TGM2: variants seen among roughly 807,000 people sequenced by gnomAD.
TGM2 encodes transglutaminase 2.
A neutral mutation model predicts 75.6 loss-of-function variants in TGM2; 53 were observed. That is an observed-to-expected ratio of 0.70 (90% CI 0.56 to 0.88). The LOEUF is 0.88. Ranked by LOEUF, TGM2 falls within the 40% of genes least tolerant of loss-of-function variation. The pLI is 0.00. For synonymous variants in TGM2, 374 were observed against 381.1 expected (o/e 0.98, Z 0.22); for missense variants, 842 against 928.5 (o/e 0.91, Z 1.21).
chr20:38,153,528 A>AAAAAAAAAAAAAAAATAAAAG (rs56670550), intron 3 of TGM2, among the ~76,000 whole-genome samples: 1 of 125,252 alleles, frequency 8.0e-6, no homozygotes. Flanking sequence ...TGGTCTCAAA[A>AAAAAAAAAAAAAAAATAAAAG]AAAAGAAAAA....
At chr20:38,148,155 T>C in intron 4 of TGM2, 66 bp from the exon 5 acceptor site, 1 of 1,606,220 alleles carries the variant, frequency 6.2e-7, no homozygotes, top group Non-Finnish European at 8.5e-7. Context: ...GAAGCCTGCG[T>C]TGAAGCCTCC....
intron 3 of TGM2, among the ~76,000 whole-genome samples, chr20:38,151,740 T>C (rs977010103): frequency 3.9e-5 from 6 of 152,148 alleles, no homozygotes; most frequent in African/African-American, 1.4e-4. Context: ...CATCTGAATG[T>C]TGTCTTAAAA....
chr20:38,165,516 C>G, upstream of TGM2: 2 of 505,962 alleles, frequency 4.0e-6, no homozygotes, highest in African/African-American at 4.1e-5. Context: ...GACCCACAGA[C>G]TCAGACCTTG....
rs373136739 is a variant in TGM2 at position 38,156,070 on chromosome 20, C to T, written c.210G>A (p.Glu70=). The T allele has an allele frequency of 6.2e-7, 1 of 1,613,480 alleles. No homozygotes were observed. Among genetic ancestry groups the T allele is most frequent in the Non-Finnish European group, 8.5e-7 (1 of 1,179,944 alleles). The change falls in exon 3 of 13, where the codon GAG becomes GAA. Residue 70 remains glutamate (E), a synonymous_variant. Coordinates refer to ENST00000361475, the MANE Select transcript of TGM2 (RefSeq NM_004613.4). The part of the protein sequence containing the change: ...SVVTGPAPSQ[E]AGTKARFPLR... ...GTGGAAAACGGGCCTTGGTCCCGGC[C>T]TCCTGGCTAGGGGCTGGGCCTGTGG... is the stretch of plus-strand genomic sequence containing the variant.
At chr20:38,162,912 G>A (rs7270605) in intron 1 of TGM2, among the ~76,000 whole-genome samples, 70,736 of 151,706 alleles carry the variant, frequency 0.47, 18,950 homozygotes, top group Non-Finnish European at 0.62. Flanking sequence ...TTTTTAACAT[G>A]ATAGGTGCTT....
In TGM2 at chr20:38,132,426, G is replaced by T; in HGVS notation, c.1690C>A (p.Arg564=). ...ATAACTGGCTCCACGAGGAGGGCCCGCACCTTGATGAGGTTGGACTCCGTA... is the reference window on the plus strand; with the variant it reads ...ATAACTGGCTCCACGAGGAGGGCCCTCACCTTGATGAGGTTGGACTCCGTA... ...CLTESNLIKV[R]ALLVEPVINS... Residue 564 remains arginine, a synonymous_variant, in exon 11 of 13, where the codon CGG becomes AGG. Coordinates refer to ENST00000361475, the MANE Select transcript of TGM2 (RefSeq NM_004613.4). 1 of 1,614,130 alleles carries T rather than the reference G, an allele frequency of 6.2e-7. No homozygotes were observed. Among genetic ancestry groups the T allele is most frequent in the Non-Finnish European group, 8.5e-7 (1 of 1,180,018 alleles).
At position 38,139,586 on chromosome 20, in the gene TGM2, C is replaced by T. The variant is rs1439395863; in HGVS notation, c.1168G>A (p.Ala390Thr). The change falls in exon 9 of 13, where the codon GCG (alanine) becomes ACG (threonine). Residue 390 changes from alanine to threonine, a missense_variant. Physicochemically the swap from Ala to Thr is moderately conservative, Grantham distance 58 (BLOSUM62 0). Coordinates refer to ENST00000361475, the MANE Select transcript of TGM2 (RefSeq NM_004613.4). The part of the protein sequence containing the change: ...KEGDLSTKYD[A>T]PFVFAEVNAD... ...TTGACCTCCGCAAAGACAAAGGGCG[C>T]ATCGTACTTGGTGCTCAGGTCGCCC... The T allele has an allele frequency of 2.0e-5, 33 of 1,614,210 alleles. No homozygotes were observed. The highest frequency in any genetic ancestry group is 2.8e-5 in the Non-Finnish European group (33 of 1,180,042).
intron 1 of TGM2, among the ~76,000 whole-genome samples, chr20:38,164,542 C>T (rs144756223): frequency 4.6e-5 from 7 of 152,144 alleles, no homozygotes; most frequent in Admixed American, 3.9e-4. Flanking sequence ...AGGGCACGGT[C>T]AGGGTGACAG....
rs773940541 is a variant in TGM2, at chr20:38,155,905, G to A, written c.375C>T (p.Tyr125=). ...YRLSLEASTG[Y]QGSSFVLGHF... ...GGCCCAGCACAAAGCTGGATCCCTG[G>A]TAGCCAGTGGAGGCCTCCAGGCTGA... The change falls in exon 3 of 13, where the codon TAC becomes TAT. Residue 125 remains tyrosine (Y), a synonymous_variant. Coordinates refer to ENST00000361475, the MANE Select transcript of TGM2 (RefSeq NM_004613.4). 6.2e-6 allele frequency: 10 copies of A among 1,607,330 alleles called. No homozygotes were observed. In the African/African-American group the frequency reaches 1.3e-4, roughly 21 times the overall value.
intron 8 of TGM2, among the ~76,000 whole-genome samples, chr20:38,141,031 G>C (rs2074965713): frequency 6.6e-6 from 1 of 152,002 alleles, no homozygotes; most frequent in African/African-American, 2.4e-5. Context: ...AGAGGGAGGA[G>C]ACAAAGATGC....
In TGM2 at chr20:38,138,383, A is replaced by T; in HGVS notation, c.1345T>A (p.Ser449Thr). The T allele has an allele frequency of 6.2e-7, 1 of 1,613,822 alleles. No homozygotes were observed. Among genetic ancestry groups the T allele is most frequent in the East Asian group, 2.2e-5 (1 of 44,878 alleles). ...ITHTYKYPEG[S>T]SEEREAFTRA... The stretch of plus-strand genomic sequence containing the variant: ...GTGAAGGCCTCCCTCTCCTCTGAGG[A>T]CCCTGTAGGGGTTGAGAAGAGAGCC... Residue 449 changes from serine to threonine, a missense_variant and splice_region_variant, in exon 10 of 13, where the codon TCC becomes ACC. Ser to Thr is a moderately conservative substitution (Grantham distance 58, BLOSUM62 1). Coordinates refer to ENST00000361475, the MANE Select transcript of TGM2 (RefSeq NM_004613.4).
upstream of TGM2, among the ~76,000 whole-genome samples, chr20:38,168,390 G>A (rs188598256): frequency 6.6e-6 from 1 of 152,320 alleles, no homozygotes; most frequent in African/African-American, 2.4e-5. Context: ...GGGCTGTAAA[G>A]GTTTCAAAAC....
In TGM2 at chr20:38,146,764, C is replaced by G. The variant is rs751708757; in HGVS notation, c.812G>C (p.Arg271Pro). The G allele has an allele frequency of 1.2e-6, 2 of 1,613,610 alleles. No homozygotes were observed. The highest frequency in any genetic ancestry group is 1.1e-5 in the South Asian group (1 of 91,074). The change falls in exon 6 of 13, where the codon CGC (arginine) becomes CCC (proline). Residue 271 changes from arginine to proline, a missense_variant. By Grantham distance (103) the Arg-to-Pro change is moderately radical. Coordinates refer to ENST00000361475, the MANE Select transcript of TGM2 (RefSeq NM_004613.4). ...LRRWKNHGCQ[R>P]VKYGQCWVFA... ...GACCCAGCACTGGCCATACTTGACG[C>G]GCTGGCAGCCGTGGTTCTTCCAGCG... is the stretch of plus-strand genomic sequence containing the variant.
At chr20:38,135,665 C>G (rs1023733447) in intron 10 of TGM2, among the ~76,000 whole-genome samples, 1 of 152,046 alleles carries the variant, frequency 6.6e-6, no homozygotes, top group Non-Finnish European at 1.5e-5. Context: ...GGATGAGCAG[C>G]GAGGGCCGGG....
At chr20:38,155,018 A>G (rs1392232740) in intron 3 of TGM2, among the ~76,000 whole-genome samples, 1 of 152,192 alleles carries the variant, frequency 6.6e-6, no homozygotes, top group Non-Finnish European at 1.5e-5. Context: ...AGGCAGGAGG[A>G]TTGCTTGAAC....
chr20:38,161,820 G>A (rs1418599799), intron 1 of TGM2, among the ~76,000 whole-genome samples: 2 of 152,152 alleles, frequency 1.3e-5, no homozygotes, highest in Non-Finnish European at 2.9e-5. Flanking sequence ...TTGAGAAAAG[G>A]TCTTGCTTTG....
At chr20:38,138,494 T>C (rs1371624608) in intron 9 of TGM2, 109 bp from the exon 10 acceptor site, 2 of 1,591,256 alleles carry the variant, frequency 1.3e-6, no homozygotes, top group South Asian at 1.1e-5. Flanking sequence ...AGGGCAGCCA[T>C]GAAGGAGCCC....
intron 9 of TGM2, 84 bp from the exon 10 acceptor site, chr20:38,138,469 G>A: frequency 6.2e-7 from 1 of 1,605,368 alleles, no homozygotes; most frequent in South Asian, 1.1e-5. Flanking sequence ...TGTCTTCGCA[G>A]AGGCCTGATG....
chr20:38,137,636 G>C (rs1473185962), intron 10 of TGM2, among the ~76,000 whole-genome samples: 5 of 152,172 alleles, frequency 3.3e-5, no homozygotes, highest in Non-Finnish European at 7.3e-5. Flanking sequence ...CGCTGGGTTA[G>C]AGACTTTTCT....
Sources: gnomAD v4.1 joint callset for allele counts (sites outside exome capture counted in the v4.1 genomes callset) on GRCh38, gnomAD v4.1.1 for gene constraint, MANE v1.5 for transcripts, NCBI Gene and HGNC (gene_info 2026-07-23, HGNC 2026-07-21) for gene names.